ASCC3: variants seen among roughly 807,000 people sequenced by gnomAD.
The protein encoded by ASCC3 is activating signal cointegrator 1 complex subunit 3.
A neutral mutation model predicts 256.3 loss-of-function variants in ASCC3; 158 were observed. The observed-to-expected ratio is 0.62, with a 90% CI of 0.54 to 0.70. The LOEUF (loss-of-function observed/expected upper bound fraction) is 0.70. ASCC3 is among the 30% of genes least tolerant of loss of function. The pLI is 0.00. For missense variants in ASCC3, 2,259 were observed against 2,626.0 expected, an observed-to-expected ratio of 0.86 and a Z score of 3.05; for synonymous variants, 948 against 883.4, an observed-to-expected ratio of 1.07 and a Z score of -1.30.
chr6:100,530,934 G>A, intron 37 of ASCC3: 1 of 1,381,948 alleles, frequency 7.2e-7, no homozygotes, highest in Non-Finnish European at 1.0e-6. Flanking sequence ...TTAGACTTCA[G>A]TACAGTGATT....
intron 1 of ASCC3, among the ~76,000 whole-genome samples, chr6:100,880,063 T>G (rs1371290417): frequency 6.6e-6 from 1 of 152,106 alleles, no homozygotes; most frequent in African/African-American, 2.4e-5. Flanking sequence ...AATGAATGAA[T>G]GACAAAAAAC....
chr6:100,760,646 C>T (rs1055277032), intron 10 of ASCC3, among the ~76,000 whole-genome samples: 2 of 152,006 alleles, frequency 1.3e-5, no homozygotes, highest in African/African-American at 4.8e-5. Context: ...GTTTTAAAGC[C>T]TAATAGAAAG....
rs554399007 is a variant in ASCC3, at chr6:100,722,040, C to G, written c.1902+3499G>C. On this transcript the variant is annotated intron_variant, in intron 11 of 41. Coordinates refer to ENST00000369162, the MANE Select transcript of ASCC3 (RefSeq NM_006828.4). ...TGAAAGGTAAAGGTCCATTTACATT[C>G]TTCTGCATATGGCTAACCAGTTATC... 6.6e-5 allele frequency among the ~76,000 whole-genome samples: 10 copies of G among 151,836 alleles called. No homozygotes were observed. The East Asian group carries it at 1.9e-3, about 29-fold the overall frequency.
chr6:100,844,950 T>C (rs769537892), intron 4 of ASCC3, among the ~76,000 whole-genome samples: 6 of 152,194 alleles, frequency 3.9e-5, no homozygotes, highest in African/African-American at 1.2e-4. Flanking sequence ...TGAGGAATTA[T>C]TAAAATTTAT....
intron 8 of ASCC3, among the ~76,000 whole-genome samples, chr6:100,784,203 T>G (rs1782585990): frequency 2.0e-5 from 3 of 152,104 alleles, no homozygotes; most frequent in Admixed American, 2.0e-4. Context: ...ATACAGTCAA[T>G]GAAAATACTG....
At chr6:100,723,860 TTATATA>T (rs58924032) in intron 11 of ASCC3, among the ~76,000 whole-genome samples, 1,349 of 110,194 alleles carry the variant, frequency 0.012, 22 homozygotes, top group African/African-American at 0.028. Context: ...TATTAGGGAA[TTATATA>T]TATATATATA....
intron 1 of ASCC3, among the ~76,000 whole-genome samples, chr6:100,872,138 G>A (rs1183122007): frequency 6.6e-6 from 1 of 152,188 alleles, no homozygotes; most frequent in African/African-American, 2.4e-5. Context: ...CTTTCAAAAT[G>A]TAGCATCAGA....
intron 13 of ASCC3, among the ~76,000 whole-genome samples, chr6:100,705,794 A>C (rs1219006583): frequency 6.6e-6 from 1 of 151,960 alleles, no homozygotes; most frequent in Non-Finnish European, 1.5e-5. Flanking sequence ...GAAAAATAAC[A>C]GTTTACGTAC....
intron 13 of ASCC3, among the ~76,000 whole-genome samples, chr6:100,706,916 G>C (rs1223497221): frequency 6.6e-6 from 1 of 152,042 alleles, no homozygotes; most frequent in Non-Finnish European, 1.5e-5. Context: ...TTGCATTAAT[G>C]TAAAAGACCA....
chr6:100,643,955 GAAAT>G, intron 23 of ASCC3, 72 bp downstream of exon 23: 1 of 986,420 alleles, frequency 1.0e-6, no homozygotes. Flanking sequence ...AAATTACAGA[GAAAT>G]AAAAGCAGAA....
chr6:100,561,710 A>G (rs1769960763), intron 36 of ASCC3, among the ~76,000 whole-genome samples: 1 of 152,146 alleles, frequency 6.6e-6, no homozygotes. Context: ...CTGTCAGCTC[A>G]GTCACTGATT....
chr6:100,729,376 G>A (rs368294547), intron 10 of ASCC3, among the ~76,000 whole-genome samples: 2 of 152,228 alleles, frequency 1.3e-5, no homozygotes, highest in South Asian at 2.1e-4. Context: ...AGAAGATCTC[G>A]AACAAAGATC....
chr6:100,628,838 T>C (rs1347395190), intron 27 of ASCC3, among the ~76,000 whole-genome samples, 177 bp downstream of exon 27: 2 of 152,126 alleles, frequency 1.3e-5, no homozygotes. Context: ...AATTTATATG[T>C]AAGGTGATAG....
intron 37 of ASCC3, among the ~76,000 whole-genome samples, chr6:100,519,031 A>G (rs1037821084): frequency 2.0e-5 from 3 of 152,146 alleles, no homozygotes; most frequent in African/African-American, 7.2e-5. Context: ...AATATTTATA[A>G]AATGTACAAA....
At chr6:100,582,248 G>C (rs9377058) in intron 36 of ASCC3, among the ~76,000 whole-genome samples, 64,189 of 151,088 alleles carry the variant, frequency 0.42, 14,091 homozygotes, top group East Asian at 0.53. Context: ...TGTTTGTATC[G>C]TCTTTTATTT....
At chr6:100,652,119 T>C (rs1775704154) in intron 18 of ASCC3, among the ~76,000 whole-genome samples, 1 of 151,794 alleles carries the variant, frequency 6.6e-6, no homozygotes, top group Non-Finnish European at 1.5e-5. Context: ...TTGAAAAAAA[T>C]CAGTCAAAGG....
At chr6:100,596,950 C>T (rs6902887) in intron 34 of ASCC3, among the ~76,000 whole-genome samples, 5,924 of 152,210 alleles carry the variant, frequency 0.039, 204 homozygotes, top group East Asian at 0.19. Flanking sequence ...TTTCACTTAT[C>T]CTACTTCAGC....
At chr6:100,541,021 T>A (rs1299197449) in intron 36 of ASCC3, among the ~76,000 whole-genome samples, 1 of 152,116 alleles carries the variant, frequency 6.6e-6, no homozygotes. Context: ...TAGGGTACAG[T>A]AGTGAAAAGT....
intron 23 of ASCC3, among the ~76,000 whole-genome samples, chr6:100,643,009 T>C (rs1775205569): frequency 6.6e-6 from 1 of 152,178 alleles, no homozygotes; most frequent in Non-Finnish European, 1.5e-5. Context: ...AGTTACCAAT[T>C]TGACTACCTG....
Sources: allele counts gnomAD v4.1 joint callset (sites outside exome capture counted in the v4.1 genomes callset), GRCh38; gene constraint gnomAD v4.1.1; transcripts MANE v1.5; gene names NCBI Gene and HGNC (gene_info 2026-07-23, HGNC 2026-07-21).